FAM168A: variants seen among roughly 807,000 people sequenced by gnomAD.
FAM168A encodes the protein family with sequence similarity 168 member A.
FAM168A carries 3 observed loss-of-function variants against 28.5 expected under a neutral mutation model. The observed-to-expected ratio is 0.11, with a 90% CI of 0.05 to 0.27. The LOEUF is 0.27. Among genes scored for constraint, FAM168A ranks in the 10% least tolerant of loss-of-function variants. The pLI, the probability that FAM168A is intolerant of heterozygous loss-of-function variation, is 1.00. For synonymous variants in FAM168A, 122 were observed against 124.2 expected (o/e 0.98, Z 0.12); for missense variants, 222 against 311.5 (o/e 0.71, Z 2.16).
chr11:73,544,619 TAAC>T (rs1325097593), intron 1 of FAM168A, among the ~76,000 whole-genome samples: 2 of 145,608 alleles, frequency 1.4e-5, no homozygotes, highest in African/African-American at 2.5e-5. Flanking sequence ...CTGATACATG[TAAC>T]AACATGAATG....
chr11:73,489,360 C>A (rs757346776), intron 1 of FAM168A, among the ~76,000 whole-genome samples: 1 of 152,152 alleles, frequency 6.6e-6, no homozygotes, highest in Non-Finnish European at 1.5e-5. Flanking sequence ...TTTCCATTCC[C>A]ACCACTCTAC....
chr11:73,507,050 G>C (rs1855129870), intron 1 of FAM168A, among the ~76,000 whole-genome samples: 1 of 152,066 alleles, frequency 6.6e-6, no homozygotes, highest in Non-Finnish European at 1.5e-5. Context: ...CCCTTGAAAA[G>C]AAAACACACA....
At chr11:73,464,780 C>T (rs146374794) in intron 2 of FAM168A, among the ~76,000 whole-genome samples, 3 of 152,226 alleles carry the variant, frequency 2.0e-5, no homozygotes, top group Admixed American at 2.0e-4. Context: ...GTTTTGGAAA[C>T]TTCATCACAA....
At chr11:73,413,221 G>A (rs1440993456) in intron 4 of FAM168A, among the ~76,000 whole-genome samples, 1 of 12,142 alleles carries the variant, frequency 8.2e-5, no homozygotes, top group Non-Finnish European at 1.5e-4. Context: ...TGCCACAAAA[G>A]TCAGCCTGTT....
At chr11:73,550,118 CAT>C (rs1055459701) in intron 1 of FAM168A, among the ~76,000 whole-genome samples, 2 of 152,146 alleles carry the variant, frequency 1.3e-5, no homozygotes, top group Non-Finnish European at 2.9e-5. Flanking sequence ...TATTAAAAAA[CAT>C]AGTCACTTGA....
intron 1 of FAM168A, among the ~76,000 whole-genome samples, chr11:73,545,038 A>G (rs867260150): frequency 1.2e-5 from 1 of 86,934 alleles, no homozygotes; most frequent in East Asian, 2.4e-4. Flanking sequence ...ATATATATAT[A>G]TTTTTTGGAG....
chr11:73,414,944 G>A (rs189992505), intron 4 of FAM168A, among the ~76,000 whole-genome samples: 1 of 152,312 alleles, frequency 6.6e-6, no homozygotes, highest in East Asian at 1.9e-4. Flanking sequence ...TTATGCTCCT[G>A]GAGAATGTGC....
At chr11:73,507,647 A>G (rs1251576896) in intron 1 of FAM168A, among the ~76,000 whole-genome samples, 1 of 152,190 alleles carries the variant, frequency 6.6e-6, no homozygotes, top group Non-Finnish European at 1.5e-5. Context: ...TCAAGTCCTG[A>G]TAATATCTAC....
intron 1 of FAM168A, among the ~76,000 whole-genome samples, chr11:73,583,845 T>C (rs1944277618): frequency 6.6e-6 from 1 of 152,170 alleles, no homozygotes; most frequent in South Asian, 2.1e-4. Flanking sequence ...GGAGAGGATC[T>C]TGAACTACCT....
intron 4 of FAM168A, among the ~76,000 whole-genome samples, chr11:73,413,608 A>T (rs963482719): frequency 9.9e-5 from 15 of 152,248 alleles, no homozygotes; most frequent in African/African-American, 3.6e-4. Flanking sequence ...TAAACCAGAG[A>T]TAGACATTTC....
chr11:73,433,359 C>T (rs13328886), intron 2 of FAM168A, among the ~76,000 whole-genome samples: 2,724 of 138,384 alleles, frequency 0.02, 65 homozygotes, highest in African/African-American at 0.06. Flanking sequence ...TTTATAAAGC[C>T]TTTGATGCAA....
intron 4 of FAM168A, among the ~76,000 whole-genome samples, 177 bp downstream of exon 4, chr11:73,419,697 T>A (rs1017334097): frequency 6.6e-6 from 1 of 152,198 alleles, no homozygotes; most frequent in Non-Finnish European, 1.5e-5. Context: ...GAGTGCATGA[T>A]CAAAGAGAAT....
chr11:73,448,590 T>C (rs1867367314), intron 2 of FAM168A, among the ~76,000 whole-genome samples: 1 of 152,222 alleles, frequency 6.6e-6, no homozygotes, highest in South Asian at 2.1e-4. Context: ...ATACTCACTT[T>C]CCCAGCTTTC....
At chr11:73,431,886 T>G (rs769158203) in intron 2 of FAM168A, among the ~76,000 whole-genome samples, 41 of 152,328 alleles carry the variant, frequency 2.7e-4, no homozygotes, top group Middle Eastern at 3.4e-3. Flanking sequence ...TTCCAAGACA[T>G]TTTCATCATC....
chr11:73,577,083 G>C (rs886133213), intron 1 of FAM168A, among the ~76,000 whole-genome samples: 3 of 152,160 alleles, frequency 2.0e-5, no homozygotes, highest in Non-Finnish European at 2.9e-5. Context: ...TCACGGAATA[G>C]AGAAGGCAAA....
At chr11:73,546,267 G>C (rs1428480225) in intron 1 of FAM168A, among the ~76,000 whole-genome samples, 1 of 152,216 alleles carries the variant, frequency 6.6e-6, no homozygotes, top group Admixed American at 6.5e-5. Context: ...GGCTAAGTCT[G>C]ATTCCCAAGT....
Position 73,438,170 on chromosome 11 carries a change from T to C in FAM168A, c.71-7400A>G, listed in dbSNP as rs949062735. Among the ~76,000 whole-genome samples, 6 of 152,144 alleles carry C rather than the reference T, an allele frequency of 3.9e-5. 1 individual carries two copies. Among genetic ancestry groups the C allele is most frequent in the African/African-American group, 1.2e-4 (5 of 41,422 alleles). ...ATCATAGCATCTGGCAAATACTCTG[T>C]GGCAAGCAGGGTGCTAGGTTCTTTA... On this transcript the variant is annotated intron_variant, in intron 2 of 7. Coordinates refer to ENST00000356467, the MANE Select transcript of FAM168A (RefSeq NM_015159.3).
intron 1 of FAM168A, among the ~76,000 whole-genome samples, chr11:73,519,469 GGACAGACTAATACAT>G (rs909698957): frequency 2.0e-5 from 3 of 152,112 alleles, no homozygotes; most frequent in African/African-American, 7.2e-5. Context: ...AGGACAAGTG[GGACAGACTAATACAT>G]CCTATAATTA....
rs140479084 is a variant in FAM168A at position 73,581,662 on chromosome 11, T to C, written c.-19+16261A>G. On this transcript the variant is annotated intron_variant, in intron 1 of 7. Coordinates refer to ENST00000356467, the MANE Select transcript of FAM168A (RefSeq NM_015159.3). ...AAGAACTCTTCCCTAAAAAAAGGTTTGAATACCCTGTCTCTGCTACTTATT... is the reference window on the plus strand; with the variant it reads ...AAGAACTCTTCCCTAAAAAAAGGTTCGAATACCCTGTCTCTGCTACTTATT... Among the ~76,000 whole-genome samples the C allele has an allele frequency of 2.0e-5, 3 of 152,336 alleles. No individual in the cohort carries two copies. The East Asian group carries it at 5.8e-4, about 29-fold the overall frequency.
Sources: gnomAD v4.1 joint callset for allele counts (sites outside exome capture counted in the v4.1 genomes callset) on GRCh38, gnomAD v4.1.1 for gene constraint, MANE v1.5 for transcripts, NCBI Gene and HGNC (gene_info 2026-07-23, HGNC 2026-07-21) for gene names.